COLGALT2: variants seen among roughly 807,000 people sequenced by gnomAD.
COLGALT2 encodes the protein procollagen galactosyltransferase 2.
A neutral mutation model predicts 73.4 loss-of-function variants in COLGALT2; 49 were observed. The ratio of observed to expected loss-of-function variants is 0.67; its 90% CI spans 0.53 to 0.85. The LOEUF is 0.85. COLGALT2 is among the 40% of genes least tolerant of loss of function. The pLI, the probability that COLGALT2 is intolerant of heterozygous loss-of-function variation, is 0.00. For missense variants in COLGALT2, 722 were observed against 790.2 expected (o/e 0.91, Z 1.03); for synonymous variants, 295 against 307.6 (o/e 0.96, Z 0.43).
chr1:183,954,683 G>A, intron 7 of COLGALT2, 79 bp downstream of exon 7: 4 of 1,151,430 alleles, frequency 3.5e-6, no homozygotes, highest in Non-Finnish European at 5.2e-6. Flanking sequence ...TCAGATGCAA[G>A]CTCAGGCTTG....
intron 2 of COLGALT2, among the ~76,000 whole-genome samples, chr1:183,978,151 T>C (rs1353106162): frequency 6.6e-6 from 1 of 152,164 alleles, no homozygotes; most frequent in Non-Finnish European, 1.5e-5. Flanking sequence ...ATATCAATAT[T>C]TAAAAATATA....
At chr1:183,972,143 T>C (rs1003356765) in intron 4 of COLGALT2, among the ~76,000 whole-genome samples, 2 of 152,220 alleles carry the variant, frequency 1.3e-5, no homozygotes, top group Non-Finnish European at 2.9e-5. Context: ...AGGGTCTCAG[T>C]TGCTTAGGCT....
intron 1 of COLGALT2, among the ~76,000 whole-genome samples, chr1:183,981,489 T>C (rs1558324349): frequency 6.9e-6 from 1 of 144,832 alleles, no homozygotes; most frequent in East Asian, 2.1e-4. Flanking sequence ...CCGTCCCTAC[T>C]AAAAAAAAAA....
chr1:184,009,890 G>C (rs1672187250), intron 1 of COLGALT2, among the ~76,000 whole-genome samples: 1 of 152,142 alleles, frequency 6.6e-6, no homozygotes, highest in Admixed American at 6.5e-5. Flanking sequence ...TCATGCCAAG[G>C]CTCTGCCCAG....
At chr1:183,957,778 G>GT (rs367921171) in intron 6 of COLGALT2, among the ~76,000 whole-genome samples, 8,523 of 118,872 alleles carry the variant, frequency 0.072, 538 homozygotes, top group African/African-American at 0.17. Flanking sequence ...TTTTGTGGTG[G>GT]TTTTTTTTTT....
chr1:183,989,693 T>G (rs908814942), intron 1 of COLGALT2, among the ~76,000 whole-genome samples: 11 of 152,240 alleles, frequency 7.2e-5, no homozygotes, highest in Non-Finnish European at 1.3e-4. Context: ...GACCTACTAT[T>G]TTGCTAACGA....
intron 1 of COLGALT2, among the ~76,000 whole-genome samples, chr1:184,005,669 C>T (rs12085344): frequency 0.081 from 12,321 of 152,194 alleles, 920 homozygotes; most frequent in East Asian, 0.43. Flanking sequence ...CTCACTCCAC[C>T]AAGTCACCAG....
chr1:184,025,495 C>A (rs1159181193), intron 1 of COLGALT2, among the ~76,000 whole-genome samples: 1 of 152,176 alleles, frequency 6.6e-6, no homozygotes, highest in Non-Finnish European at 1.5e-5. Flanking sequence ...CTGGCCAGAG[C>A]CTGGCTAGAT....
rs550732300 is a variant in COLGALT2 at position 183,972,832 on chromosome 1, T to C, written c.627+784A>G. Among the ~76,000 whole-genome samples, 75 of 152,242 alleles carry C rather than the reference T, an allele frequency of 4.9e-4. 1 individual carries two copies. In the East Asian group the frequency reaches 0.012, roughly 25 times the overall value. ...CTCCTGCCTCAGCCTTCCGAGTAGC[T>C]GGGACTATAGGCGCCCAACACCACG... On this transcript the variant is annotated intron_variant, in intron 4 of 11. Coordinates refer to ENST00000361927, the MANE Select transcript of COLGALT2 (RefSeq NM_015101.4).
At chr1:183,952,356 A>G (rs560114783) in intron 7 of COLGALT2, among the ~76,000 whole-genome samples, 9 of 152,318 alleles carry the variant, frequency 5.9e-5, no homozygotes, top group African/African-American at 2.2e-4. Context: ...TTGAGGAGAC[A>G]TTAATGTTTA....
intron 1 of COLGALT2, among the ~76,000 whole-genome samples, chr1:184,010,410 T>G (rs1672203897): frequency 6.6e-6 from 1 of 152,194 alleles, no homozygotes; most frequent in Non-Finnish European, 1.5e-5. Context: ...GTCTCCTCAC[T>G]AAAGAGTCTG....
In COLGALT2 at chr1:183,943,030, T is replaced by C. The variant is rs558875639; in HGVS notation, c.1397+1166A>G. Among the ~76,000 whole-genome samples the C allele has an allele frequency of 2.0e-5, 3 of 152,314 alleles. No homozygotes were observed. In the South Asian group the frequency reaches 6.2e-4, roughly 32 times the overall value. On this transcript the variant is annotated intron_variant, in intron 10 of 11. Coordinates refer to ENST00000361927, the MANE Select transcript of COLGALT2 (RefSeq NM_015101.4). ...TAACCACAGGCTGCGGAGCCATCCA[T>C]TGAGAAAGGCTGAAGTGCAGCGACT...
At chr1:184,022,986 G>A (rs917365577) in intron 1 of COLGALT2, among the ~76,000 whole-genome samples, 9 of 152,152 alleles carry the variant, frequency 5.9e-5, no homozygotes, top group African/African-American at 2.2e-4. Flanking sequence ...GACTGGAGAG[G>A]GATGAGGGAG....
intron 7 of COLGALT2, 36 bp downstream of exon 7, chr1:183,954,726 C>T (rs779835647): frequency 1.9e-5 from 28 of 1,486,836 alleles, no homozygotes; most frequent in Middle Eastern, 1.7e-4. Flanking sequence ...CCTGCACACG[C>T]GTGCATGTGC....
At chr1:183,964,276 A>G (rs1447909052) in intron 5 of COLGALT2, 5 of 431,464 alleles carry the variant, frequency 1.2e-5, no homozygotes, top group Non-Finnish European at 2.0e-5. Flanking sequence ...AAGAAAAAGC[A>G]AACTCATGGC....
chr1:183,986,081 C>A (rs999343342), intron 1 of COLGALT2, among the ~76,000 whole-genome samples: 1 of 152,196 alleles, frequency 6.6e-6, no homozygotes, highest in South Asian at 2.1e-4. Context: ...CAGCAGCAGA[C>A]GTGCCAAAGG....
At chr1:183,939,524 C>A (rs1190984353) in intron 11 of COLGALT2, among the ~76,000 whole-genome samples, 1 of 152,184 alleles carries the variant, frequency 6.6e-6, no homozygotes, top group East Asian at 1.9e-4. Flanking sequence ...GATGACTTGG[C>A]CTCCCTCTCA....
In COLGALT2 at chr1:183,964,037, G is replaced by C; in HGVS notation, c.833-17C>G. The C allele has an allele frequency of 6.2e-7, 1 of 1,611,672 alleles. No individual in the cohort carries two copies. Among genetic ancestry groups the C allele is most frequent in the Non-Finnish European group, 8.5e-7 (1 of 1,178,812 alleles). ...TCTGGATGCCTGAGGATCCAAGAGAGGGACAAAGCCAACAATCAGAAAACA... is the reference window on the plus strand; with the variant it reads ...TCTGGATGCCTGAGGATCCAAGAGACGGACAAAGCCAACAATCAGAAAACA... On this transcript the variant is annotated splice_polypyrimidine_tract_variant and intron_variant, in intron 5 of 11. Coordinates refer to ENST00000361927, the MANE Select transcript of COLGALT2 (RefSeq NM_015101.4).
chr1:183,967,216 C>T (rs1259491410), intron 5 of COLGALT2, among the ~76,000 whole-genome samples: 1 of 152,222 alleles, frequency 6.6e-6, no homozygotes, highest in Non-Finnish European at 1.5e-5. Flanking sequence ...TGAATCTTTC[C>T]TGCCTTGACT....
Sources: gnomAD v4.1 joint callset for allele counts (sites outside exome capture counted in the v4.1 genomes callset) on GRCh38, gnomAD v4.1.1 for gene constraint, MANE v1.5 for transcripts, NCBI Gene and HGNC (gene_info 2026-07-23, HGNC 2026-07-21) for gene names.